Variants in PLCXD3 observed in about 807,000 individuals in gnomAD.
PLCXD3 encodes PI-PLC X domain-containing protein 3.
A neutral mutation model predicts 25.5 loss-of-function variants in PLCXD3; 19 were observed. The observed-to-expected ratio is 0.75, with a 90% confidence interval of 0.52 to 1.09. The LOEUF is 1.09. Among genes scored for constraint, PLCXD3 ranks in the 50% least tolerant of loss-of-function variants. PLCXD3 has a pLI of 0.00. For synonymous variants in PLCXD3, 174 were observed against 137.6 expected (o/e 1.26, Z -1.85); for missense variants, 411 against 388.1 (o/e 1.06, Z -0.50).
intron 2 of PLCXD3, among the ~76,000 whole-genome samples, chr5:41,356,617 G>A (rs922484824): frequency 5.3e-5 from 8 of 151,986 alleles, no homozygotes; most frequent in Non-Finnish European, 1.0e-4. Context: ...AAATGAAAAC[G>A]GCCCCTTATT....
At chr5:41,482,881 C>A (rs1386058441) in intron 1 of PLCXD3, among the ~76,000 whole-genome samples, 4 of 152,164 alleles carry the variant, frequency 2.6e-5, no homozygotes, top group African/African-American at 9.7e-5. Flanking sequence ...ATCACCAGAA[C>A]TTTTTCATCT....
rs572544202 is a variant in PLCXD3 at position 41,401,540 on chromosome 5, T to C, written c.104-19006A>G. Reference sequence around the variant, plus strand: ...GCCTAGCTCTGGAATATCTAATTAGTTTCCCGATTTCTCTATATGCCAGCA... The same window carrying C: ...GCCTAGCTCTGGAATATCTAATTAGCTTCCCGATTTCTCTATATGCCAGCA... On this transcript the variant is annotated intron_variant, in intron 1 of 2. Coordinates refer to ENST00000377801, the MANE Select transcript of PLCXD3 (RefSeq NM_001005473.3). 3.3e-5 allele frequency among the ~76,000 whole-genome samples: 5 copies of C among 152,170 alleles called. No homozygotes were observed. In the South Asian group the frequency reaches 8.3e-4, roughly 25 times the overall value.
At chr5:41,487,039 A>G (rs1294816952) in intron 1 of PLCXD3, among the ~76,000 whole-genome samples, 1 of 131,852 alleles carries the variant, frequency 7.6e-6, no homozygotes, top group East Asian at 2.0e-4. Flanking sequence ...AAAATAACAT[A>G]CTTTTTTTTC....
chr5:41,393,484 G>T (rs1745899031), intron 1 of PLCXD3, among the ~76,000 whole-genome samples: 1 of 152,164 alleles, frequency 6.6e-6, no homozygotes. Flanking sequence ...CTTCAAACAT[G>T]AAGCAGAAAT....
At chr5:41,455,969 A>G (rs1424681656) in intron 1 of PLCXD3, among the ~76,000 whole-genome samples, 1 of 151,978 alleles carries the variant, frequency 6.6e-6, no homozygotes, top group East Asian at 1.9e-4. Flanking sequence ...GAATAGAATC[A>G]TTTAAAATAC....
chr5:41,372,345 C>T (rs62363774), intron 2 of PLCXD3, among the ~76,000 whole-genome samples: 19,686 of 143,368 alleles, frequency 0.14, 1,680 homozygotes, highest in South Asian at 0.3. Context: ...CACACACACA[C>T]ACACCAGGCA....
At chr5:41,497,304 G>C (rs1225709671) in intron 1 of PLCXD3, among the ~76,000 whole-genome samples, 1 of 151,824 alleles carries the variant, frequency 6.6e-6, no homozygotes, top group East Asian at 1.9e-4. Context: ...CTTTAGACTT[G>C]AGAACATACA....
chr5:41,431,531 A>G (rs559309856), intron 1 of PLCXD3, among the ~76,000 whole-genome samples: 4 of 152,318 alleles, frequency 2.6e-5, no homozygotes, highest in African/African-American at 9.6e-5. Context: ...CAGGTTCTAG[A>G]AATTATCAGC....
chr5:41,444,982 G>A (rs1423084773), intron 1 of PLCXD3, among the ~76,000 whole-genome samples: 1 of 152,184 alleles, frequency 6.6e-6, no homozygotes, highest in Non-Finnish European at 1.5e-5. Context: ...AAAAGTAAGA[G>A]CTTATTAGAT....
intron 1 of PLCXD3, among the ~76,000 whole-genome samples, chr5:41,445,407 A>G (rs1025704483): frequency 1.3e-5 from 2 of 152,190 alleles, no homozygotes; most frequent in African/African-American, 4.8e-5. Flanking sequence ...GTCAAATAAA[A>G]CGAGTATCAT....
At chr5:41,316,710 G>C (rs188126127) in intron 2 of PLCXD3, among the ~76,000 whole-genome samples, 2 of 152,276 alleles carry the variant, frequency 1.3e-5, no homozygotes, top group Admixed American at 1.3e-4. Flanking sequence ...AACATCAGTG[G>C]TAGTCTGGAA....
Position 41,382,112 on chromosome 5 carries a change from C to A in PLCXD3, c.526G>T (p.Ala176Ser). The change falls in exon 2 of 3, where the codon GCC becomes TCC. Residue 176 changes from alanine to serine, a missense_variant. Coordinates refer to ENST00000377801, the MANE Select transcript of PLCXD3 (RefSeq NM_001005473.3). ...AGGTACTTTAAACTAACTTCCTGGG[C>A]AAAAATCGCTGGGCACATTTTATTT... ...YGNKMCPAIF[A>S]QEVSLKYLWE... The A allele has an allele frequency of 3.1e-6, 5 of 1,613,638 alleles. No homozygotes were observed. The highest frequency in any genetic ancestry group is 4.2e-6 in the Non-Finnish European group (5 of 1,179,732).
At chr5:41,365,879 C>T (rs1389482934) in intron 2 of PLCXD3, among the ~76,000 whole-genome samples, 2 of 151,584 alleles carry the variant, frequency 1.3e-5, no homozygotes, top group Admixed American at 6.6e-5. Flanking sequence ...AGTTTTGAAG[C>T]TATTCTTTGT....
At chr5:41,443,144 C>T (rs1384307187) in intron 1 of PLCXD3, among the ~76,000 whole-genome samples, 1 of 150,478 alleles carries the variant, frequency 6.6e-6, no homozygotes, top group African/African-American at 2.4e-5. Flanking sequence ...AATAGTCATG[C>T]ACTACACAAC....
chr5:41,331,098 C>A (rs1056266498), intron 2 of PLCXD3, among the ~76,000 whole-genome samples: 5 of 151,956 alleles, frequency 3.3e-5, no homozygotes, highest in African/African-American at 7.3e-5. Context: ...CTGGCCAGGG[C>A]AATTAGGCAG....
chr5:41,504,342 T>A (rs1749013614), intron 1 of PLCXD3, among the ~76,000 whole-genome samples: 1 of 152,114 alleles, frequency 6.6e-6, no homozygotes, highest in South Asian at 2.1e-4. Flanking sequence ...TAATGCAGAG[T>A]ATAGGATAAA....
intron 2 of PLCXD3, among the ~76,000 whole-genome samples, chr5:41,322,919 A>C (rs1743517327): frequency 6.6e-6 from 1 of 151,858 alleles, no homozygotes; most frequent in Non-Finnish European, 1.5e-5. Context: ...GGTTGCAGTG[A>C]GTCAAGTTCG....
intron 1 of PLCXD3, among the ~76,000 whole-genome samples, chr5:41,502,408 G>A (rs1298369189): frequency 1.3e-5 from 2 of 151,990 alleles, no homozygotes; most frequent in African/African-American, 4.8e-5. Flanking sequence ...CGGTGTGTGT[G>A]ATTTAACCTT....
At chr5:41,360,588 G>C (rs1744743535) in intron 2 of PLCXD3, among the ~76,000 whole-genome samples, 1 of 152,120 alleles carries the variant, frequency 6.6e-6, no homozygotes, top group Non-Finnish European at 1.5e-5. Flanking sequence ...CCTAAGAATG[G>C]GGCTTCCTGA....
Sources: allele counts gnomAD v4.1 joint callset (sites outside exome capture counted in the v4.1 genomes callset), GRCh38; gene constraint gnomAD v4.1.1; transcripts MANE v1.5; gene names NCBI Gene and HGNC (gene_info 2026-07-23, HGNC 2026-07-21).